ASTN2: variants seen among roughly 807,000 people sequenced by gnomAD.
The protein encoded by ASTN2 is astrotactin-2.
In ASTN2, 54 loss-of-function variants were observed where a neutral mutation model predicts 139.8. The observed-to-expected ratio is 0.39, with a 90% confidence interval of 0.31 to 0.48. The LOEUF (loss-of-function observed/expected upper bound fraction) is 0.48, where lower values mean the gene tolerates loss of function less well. ASTN2 is among the 20% of genes least tolerant of loss of function. The probability of loss-of-function intolerance (pLI) is 0.95; values close to 1 mark genes in which losing one functional copy is unlikely to be tolerated. For missense variants in ASTN2, 1,565 were observed against 1,725.1 expected (o/e 0.91, Z 1.64); for synonymous variants, 756 against 719.5 (o/e 1.05, Z -0.81).
chr9:117,167,872 G>A (rs987191040), intron 3 of ASTN2, among the ~76,000 whole-genome samples: 2 of 152,068 alleles, frequency 1.3e-5, no homozygotes, highest in Admixed American at 6.6e-5. Flanking sequence ...AATATCCAAG[G>A]TAACATATGG....
chr9:117,207,710 C>T (rs577445746), intron 3 of ASTN2, among the ~76,000 whole-genome samples: 27 of 152,278 alleles, frequency 1.8e-4, no homozygotes, highest in South Asian at 4.1e-4. Flanking sequence ...TGAGATACCA[C>T]GTGCCCTTGC....
At chr9:116,892,462 C>G (rs1359073066) in intron 10 of ASTN2, among the ~76,000 whole-genome samples, 5 of 152,010 alleles carry the variant, frequency 3.3e-5, no homozygotes, top group Non-Finnish European at 7.4e-5. Flanking sequence ...GTTGACCTGG[C>G]TGGTGAGAGT....
chr9:117,291,613 A>AT, intron 1 of ASTN2, 100 bp from the exon 2 acceptor site: 4 of 1,099,784 alleles, frequency 3.6e-6, no homozygotes, highest in Non-Finnish European at 5.1e-6. Flanking sequence ...GAAGGCATCC[A>AT]TTTTTTGCCA....
At chr9:117,237,111 T>C (rs956239868) in intron 2 of ASTN2, among the ~76,000 whole-genome samples, 2 of 152,192 alleles carry the variant, frequency 1.3e-5, no homozygotes, top group African/African-American at 4.8e-5. Flanking sequence ...TTAGAGTATA[T>C]TATTTTACTT....
intron 6 of ASTN2, among the ~76,000 whole-genome samples, chr9:117,022,509 A>T (rs1277841683): frequency 6.6e-6 from 1 of 152,152 alleles, no homozygotes; most frequent in Non-Finnish European, 1.5e-5. Flanking sequence ...TCCTCTTTGA[A>T]TTCCTCATTT....
intron 22 of ASTN2, among the ~76,000 whole-genome samples, chr9:116,439,060 T>C (rs1847748048): frequency 6.6e-6 from 1 of 152,150 alleles, no homozygotes; most frequent in Non-Finnish European, 1.5e-5. Context: ...ACAACATTGT[T>C]TTCTGTTTTT....
intron 11 of ASTN2, among the ~76,000 whole-genome samples, chr9:116,847,548 T>C (rs1444015187): frequency 1.3e-5 from 2 of 152,224 alleles, no homozygotes; most frequent in Admixed American, 1.3e-4. Context: ...TTTGTGTAGC[T>C]CATTAATAAT....
intron 17 of ASTN2, among the ~76,000 whole-genome samples, chr9:116,644,405 T>G (rs977093768): frequency 2.0e-5 from 3 of 152,118 alleles, no homozygotes; most frequent in African/African-American, 7.2e-5. Flanking sequence ...TACAGAGTAT[T>G]TTACAGCCTT....
intron 10 of ASTN2, among the ~76,000 whole-genome samples, chr9:116,882,073 C>T (rs1028534698): frequency 6.6e-6 from 1 of 152,120 alleles, no homozygotes; most frequent in Non-Finnish European, 1.5e-5. Flanking sequence ...ATCCATCCAT[C>T]CATCCATCCA....
chr9:116,814,110 G>T (rs1831244520), intron 12 of ASTN2, among the ~76,000 whole-genome samples: 1 of 151,794 alleles, frequency 6.6e-6, no homozygotes, highest in African/African-American at 2.4e-5. Context: ...TGCACAACAG[G>T]TAGACTTGGA....
At chr9:116,902,872 C>CA (rs1306565224) in intron 10 of ASTN2, among the ~76,000 whole-genome samples, 1 of 152,094 alleles carries the variant, frequency 6.6e-6, no homozygotes. Context: ...CTTTACTTTA[C>CA]AACTTTTTAC....
In ASTN2 at chr9:117,024,029, T is replaced by A. The variant is rs144942266; in HGVS notation, c.1424-15770A>T. Among the ~76,000 whole-genome samples, 509 of 152,190 alleles carry A rather than the reference T, an allele frequency of 3.3e-3. 4 individuals are homozygous for A. The highest frequency in any genetic ancestry group is 0.012 in the African/African-American group (495 of 41,540). On this transcript the variant is annotated intron_variant, in intron 6 of 22. Transcript: ENST00000313400. ...CTGAGGGCTGATGCTGCAGGTCAAC[T>A]AGGGAGAGAGGAGAAGCTGAGGCCA...
At chr9:116,760,753 G>A (rs1438178528) in intron 13 of ASTN2, among the ~76,000 whole-genome samples, 1 of 152,134 alleles carries the variant, frequency 6.6e-6, no homozygotes, top group African/African-American at 2.4e-5. Context: ...GGGTGGCAGG[G>A]AACAGACTTG....
intron 10 of ASTN2, among the ~76,000 whole-genome samples, chr9:116,968,797 G>A (rs1785220250): frequency 6.6e-6 from 1 of 151,822 alleles, no homozygotes; most frequent in Admixed American, 6.6e-5. Context: ...TACTGTGGAG[G>A]GTGAGGCAGG....
chr9:116,645,920 C>G (rs1376610570), intron 17 of ASTN2, among the ~76,000 whole-genome samples: 2 of 152,110 alleles, frequency 1.3e-5, no homozygotes, highest in East Asian at 3.9e-4. Flanking sequence ...CCAAAGGAAA[C>G]ATAGAAAAAG....
At chr9:117,391,033 G>A (rs952096760) in intron 1 of ASTN2, among the ~76,000 whole-genome samples, 1 of 152,174 alleles carries the variant, frequency 6.6e-6, no homozygotes, top group African/African-American at 2.4e-5. Flanking sequence ...TGCATCCATA[G>A]ATTTACCCAA....
intron 1 of ASTN2, among the ~76,000 whole-genome samples, chr9:117,353,439 T>G (rs191417950): frequency 6.6e-6 from 1 of 152,302 alleles, no homozygotes; most frequent in East Asian, 1.9e-4. Context: ...GCAACTAATA[T>G]TTTAATTTTA....
intron 16 of ASTN2, among the ~76,000 whole-genome samples, chr9:116,661,580 G>A (rs1858562741): frequency 6.6e-6 from 1 of 152,114 alleles, no homozygotes; most frequent in African/African-American, 2.4e-5. Flanking sequence ...TGGAGAAGGA[G>A]ACGCTTAAGA....
intron 11 of ASTN2, among the ~76,000 whole-genome samples, chr9:116,843,478 T>G (rs979204892): frequency 4.0e-5 from 6 of 151,818 alleles, no homozygotes; most frequent in African/African-American, 1.5e-4. Flanking sequence ...GCCAACATGG[T>G]GAAACCCCAT....
Sources: allele counts gnomAD v4.1 joint callset (sites outside exome capture counted in the v4.1 genomes callset), GRCh38; gene constraint gnomAD v4.1.1; transcripts MANE v1.5; gene names NCBI Gene and HGNC (gene_info 2026-07-23, HGNC 2026-07-21).